BMP6: variants seen among roughly 807,000 people sequenced by gnomAD.
The protein encoded by BMP6 is bone morphogenetic protein 6.
In BMP6, 17 loss-of-function variants were observed where a neutral mutation model predicts 54.1. That is an observed-to-expected ratio of 0.31 (90% CI 0.22 to 0.47). BMP6 has a LOEUF of 0.47. Ranked by LOEUF, BMP6 falls within the 20% of genes least tolerant of loss-of-function variation. The probability of loss-of-function intolerance (pLI) is 1.00; values close to 1 mark genes in which losing one functional copy is unlikely to be tolerated. For missense variants in BMP6, 720 were observed against 690.4 expected (o/e 1.04, Z -0.48); for synonymous variants, 328 against 291.2 (o/e 1.13, Z -1.28).
chr6:7,758,874 A>G (rs1403807559), intron 1 of BMP6, among the ~76,000 whole-genome samples: 1 of 152,108 alleles, frequency 6.6e-6, no homozygotes, highest in Non-Finnish European at 1.5e-5. Flanking sequence ...CCACGGATGC[A>G]TTTGTGGTTG....
At chr6:7,831,855 T>G (rs1306212448) in intron 1 of BMP6, among the ~76,000 whole-genome samples, 1 of 152,116 alleles carries the variant, frequency 6.6e-6, no homozygotes, top group Non-Finnish European at 1.5e-5. Context: ...CTGTTCTGCC[T>G]CCTTATGCCC....
intron 1 of BMP6, among the ~76,000 whole-genome samples, chr6:7,735,669 A>C (rs1281416644): frequency 1.3e-5 from 2 of 152,096 alleles, no homozygotes; most frequent in Non-Finnish European, 2.9e-5. Context: ...CCCCTGCCCC[A>C]CAGGTGCACA....
At chr6:7,728,577 G>A (rs889299850) in intron 1 of BMP6, among the ~76,000 whole-genome samples, 1 of 152,126 alleles carries the variant, frequency 6.6e-6, no homozygotes, top group Non-Finnish European at 1.5e-5. Context: ...TCTTTTCTTC[G>A]GAGTCAGTGC....
At chr6:7,792,224 G>A (rs1357435479) in intron 1 of BMP6, among the ~76,000 whole-genome samples, 1 of 152,112 alleles carries the variant, frequency 6.6e-6, no homozygotes, top group Admixed American at 6.5e-5. Flanking sequence ...TCAACTGGGT[G>A]GATAACACCC....
chr6:7,731,225 A>G (rs1761850841), intron 1 of BMP6, among the ~76,000 whole-genome samples: 1 of 152,228 alleles, frequency 6.6e-6, no homozygotes, highest in Non-Finnish European at 1.5e-5. Flanking sequence ...TCAGGGCCAC[A>G]GATGCCATTT....
chr6:7,780,481 G>A (rs146719839), intron 1 of BMP6, among the ~76,000 whole-genome samples: 1,618 of 151,844 alleles, frequency 0.011, 22 homozygotes, highest in African/African-American at 0.037. Flanking sequence ...CCCGGGAGGC[G>A]GAGGTTGTAG....
At chr6:7,827,301 G>T (rs983491075) in intron 1 of BMP6, among the ~76,000 whole-genome samples, 1 of 152,144 alleles carries the variant, frequency 6.6e-6, no homozygotes, top group East Asian at 1.9e-4. Flanking sequence ...GACTGAATCC[G>T]GAGGCAAATC....
At chr6:7,842,117 T>A (rs1758981162) in intron 1 of BMP6, among the ~76,000 whole-genome samples, 1 of 152,068 alleles carries the variant, frequency 6.6e-6, no homozygotes, top group South Asian at 2.1e-4. Flanking sequence ...CTTTCCCTTG[T>A]TGTGTTAGTT....
At chr6:7,878,295 G>C (rs1759653687) in intron 4 of BMP6, among the ~76,000 whole-genome samples, 1 of 152,176 alleles carries the variant, frequency 6.6e-6, no homozygotes, top group South Asian at 2.1e-4. Context: ...ACCGTCTATT[G>C]GCCGTGGTGC....
intron 4 of BMP6, among the ~76,000 whole-genome samples, chr6:7,865,277 C>T (rs1052902383): frequency 3.9e-5 from 6 of 152,066 alleles, no homozygotes; most frequent in Admixed American, 2.0e-4. Context: ...GGTCTCCCCC[C>T]GCCCACCTCC....
intron 1 of BMP6, among the ~76,000 whole-genome samples, chr6:7,773,720 C>T (rs1757822438): frequency 6.6e-6 from 1 of 152,186 alleles, no homozygotes; most frequent in African/African-American, 2.4e-5. Context: ...GGGAAGCCTT[C>T]TAGCTTAATT....
chr6:7,845,925 A>G (rs141871093), intron 2 of BMP6, among the ~76,000 whole-genome samples: 3 of 152,300 alleles, frequency 2.0e-5, no homozygotes, highest in African/African-American at 7.2e-5. Flanking sequence ...GGAGCTGCCT[A>G]GCAATACAGA....
intron 4 of BMP6, among the ~76,000 whole-genome samples, chr6:7,865,733 T>C (rs1490882434): frequency 6.6e-6 from 1 of 152,130 alleles, no homozygotes; most frequent in Non-Finnish European, 1.5e-5. Context: ...GACTTTCTGC[T>C]TGTAAATCTT....
At chr6:7,856,614 T>TTTTTTTTTTTTTTTTTTG (rs1491363620) in intron 2 of BMP6, among the ~76,000 whole-genome samples, 2 of 95,160 alleles carry the variant, frequency 2.1e-5, no homozygotes, top group African/African-American at 7.8e-5. Context: ...TTTTTTTTTT[T>TTTTTTTTTTTTTTTTTTG]GAGACGGAGT....
At chr6:7,775,355 A>G (rs1467052102) in intron 1 of BMP6, among the ~76,000 whole-genome samples, 1 of 152,244 alleles carries the variant, frequency 6.6e-6, no homozygotes, top group Non-Finnish European at 1.5e-5. Flanking sequence ...TGAAGGTCAC[A>G]GAGCTGCTGA....
intron 1 of BMP6, among the ~76,000 whole-genome samples, chr6:7,759,118 G>A (rs142708988): frequency 9.5e-4 from 144 of 152,270 alleles, no homozygotes; most frequent in African/African-American, 3.2e-3. Flanking sequence ...ATATCTTGCC[G>A]CTGTCTTGGG....
intron 1 of BMP6, among the ~76,000 whole-genome samples, chr6:7,813,108 A>AAACATATAT (rs1554122651): frequency 4.7e-5 from 1 of 21,484 alleles, no homozygotes; most frequent in African/African-American, 2.0e-4. Context: ...AAAAAAAAAA[A>AAACATATAT]ATATATATAT....
chr6:7,778,061 A>G (rs1280039289), intron 1 of BMP6, among the ~76,000 whole-genome samples: 1 of 152,154 alleles, frequency 6.6e-6, no homozygotes, highest in African/African-American at 2.4e-5. Context: ...ATCTCCCTGG[A>G]GAGGGAGACT....
intron 1 of BMP6, among the ~76,000 whole-genome samples, chr6:7,832,946 G>A (rs1164304500): frequency 2.0e-5 from 3 of 151,972 alleles, no homozygotes; most frequent in East Asian, 1.9e-4. Context: ...GGTGAGGGAC[G>A]AGGGTGGGAG....
Sources: allele counts gnomAD v4.1 joint callset (sites outside exome capture counted in the v4.1 genomes callset), GRCh38; gene constraint gnomAD v4.1.1; transcripts MANE v1.5; gene names NCBI Gene and HGNC (gene_info 2026-07-23, HGNC 2026-07-21).